B3GAT1: variants seen among roughly 807,000 people sequenced by gnomAD.
The protein encoded by B3GAT1 is beta-1,3-glucuronyltransferase 1, also known as galactosylgalactosylxylosylprotein 3-beta-glucuronosyltransferase 1.
B3GAT1 carries 11 observed loss-of-function variants against 28.4 expected under a neutral mutation model. That is an observed-to-expected ratio of 0.39 (90% CI 0.24 to 0.64). The LOEUF (loss-of-function observed/expected upper bound fraction) is 0.64. B3GAT1 is among the 30% of genes least tolerant of loss of function. The pLI, the probability that B3GAT1 is intolerant of heterozygous loss-of-function variation, is 0.50. For synonymous variants in B3GAT1, 255 were observed against 223.1 expected (o/e 1.14, Z -1.27); for missense variants, 375 against 491.0 (o/e 0.76, Z 2.23).
intron 1 of B3GAT1, among the ~76,000 whole-genome samples, chr11:134,410,564 G>A (rs1469769403): frequency 1.3e-5 from 2 of 152,216 alleles, no homozygotes; most frequent in Non-Finnish European, 2.9e-5. Flanking sequence ...AGAAAGGGAA[G>A]GCTTGATGTT....
At chr11:134,386,452 G>A (rs1297251216) in intron 2 of B3GAT1, 1 of 152,260 alleles carries the variant, frequency 6.6e-6, no homozygotes, top group Non-Finnish European at 1.5e-5. Flanking sequence ...GAAGAGCTGG[G>A]GCAGCCAGCT....
At chr11:134,405,406 T>C (rs1416750620) in intron 1 of B3GAT1, among the ~76,000 whole-genome samples, 1 of 152,178 alleles carries the variant, frequency 6.6e-6, no homozygotes, top group Non-Finnish European at 1.5e-5. Flanking sequence ...GGTCCTGTGG[T>C]CAGGGTGCGT....
At chr11:134,404,953 AGT>A (rs1412645995) in intron 1 of B3GAT1, among the ~76,000 whole-genome samples, 2 of 152,182 alleles carry the variant, frequency 1.3e-5, no homozygotes, top group Non-Finnish European at 1.5e-5. Context: ...GGTCAGCTGC[AGT>A]GTGGGTGCAA....
intron 3 of B3GAT1, 29 bp downstream of exon 3, chr11:134,383,651 C>T (rs745611517): frequency 6.6e-7 from 1 of 1,514,752 alleles, no homozygotes; most frequent in Non-Finnish European, 8.9e-7. Context: ...GCCGGAGGTC[C>T]CGCTGCTCAC....
intron 1 of B3GAT1, among the ~76,000 whole-genome samples, chr11:134,410,232 A>C (rs55986667): frequency 0.2 from 29,798 of 152,134 alleles, 3,633 homozygotes; most frequent in African/African-American, 0.34. Flanking sequence ...ACAGTGAGTA[A>C]CTGCCCAACC....
chr11:134,384,595 C>G (rs1046258260), intron 2 of B3GAT1: 1 of 186,350 alleles, frequency 5.4e-6, no homozygotes, highest in East Asian at 1.3e-4. Context: ...TAGCAGAGCA[C>G]GTGGCACTGC....
intron 1 of B3GAT1, among the ~76,000 whole-genome samples, chr11:134,395,665 C>G (rs578204727): frequency 1.1e-4 from 16 of 152,198 alleles, no homozygotes; most frequent in Non-Finnish European, 1.8e-4. Flanking sequence ...ACCTCCTTTG[C>G]CCTCCTTCCT....
At chr11:134,406,112 C>T (rs1944726738) in intron 1 of B3GAT1, among the ~76,000 whole-genome samples, 1 of 152,238 alleles carries the variant, frequency 6.6e-6, no homozygotes. Flanking sequence ...CTCGTGGCAG[C>T]ACAGTTGGCC....
At chr11:134,401,655 T>C (rs1245681540) in intron 1 of B3GAT1, among the ~76,000 whole-genome samples, 1 of 152,076 alleles carries the variant, frequency 6.6e-6, no homozygotes, top group South Asian at 2.1e-4. Flanking sequence ...AGAGGATCAG[T>C]TATGCCTCAA....
chr11:134,397,871 G>GC (rs1411636149), intron 1 of B3GAT1, among the ~76,000 whole-genome samples: 1 of 152,158 alleles, frequency 6.6e-6, no homozygotes, highest in African/African-American at 2.4e-5. Flanking sequence ...CAGTTAGGGG[G>GC]CCCCGCAGTG....
chr11:134,398,981 G>T (rs1944557727), intron 1 of B3GAT1, among the ~76,000 whole-genome samples: 1 of 152,160 alleles, frequency 6.6e-6, no homozygotes, highest in Non-Finnish European at 1.5e-5. Context: ...GGGTGCGGTG[G>T]GTGGTGGGTT....
intron 1 of B3GAT1, among the ~76,000 whole-genome samples, chr11:134,406,541 T>A (rs981875569): frequency 9.1e-4 from 1 of 1,098 alleles, no homozygotes. Context: ...GTTGATTGGG[T>A]GGGTGGGGGG....
chr11:134,407,125 G>A (rs1739235627), intron 1 of B3GAT1, among the ~76,000 whole-genome samples: 1 of 152,258 alleles, frequency 6.6e-6, no homozygotes, highest in Non-Finnish European at 1.5e-5. Context: ...GTGTGACTGA[G>A]GAGCTGCTCA....
chr11:134,401,749 T>C (rs775170700), intron 1 of B3GAT1, among the ~76,000 whole-genome samples: 14 of 151,514 alleles, frequency 9.2e-5, no homozygotes, highest in Non-Finnish European at 1.8e-4. Flanking sequence ...TTATAAAAAA[T>C]TTAAAAAAAA....
chr11:134,384,508 A>G (rs1944226899), intron 2 of B3GAT1: 2 of 387,404 alleles, frequency 5.2e-6, no homozygotes. Flanking sequence ...TTCCTATGAA[A>G]AGGCGTCCCG....
At chr11:134,382,088 G>T (rs1475652730) in intron 4 of B3GAT1, 64 bp from the exon 5 acceptor site, 5 of 1,355,780 alleles carry the variant, frequency 3.7e-6, no homozygotes, top group East Asian at 2.3e-5. Context: ...CTGCCTCCCT[G>T]CTCCCTCCCA....
At position 134,393,565 on chromosome 11, in the gene B3GAT1, A is replaced by G. The variant is rs1301785475; in HGVS notation, c.-281-5625T>C. Among the ~76,000 whole-genome samples, 1 of 152,232 alleles carries G rather than the reference A, an allele frequency of 6.6e-6. No individual in the cohort carries two copies. Among genetic ancestry groups the G allele is most frequent in the African/African-American group, 2.4e-5 (1 of 41,464 alleles). Reference sequence around the variant, plus strand: ...CCCTGCCAGCCTTTACCTAACTTGGAGAACTTTTTTCTGGACTCACCTTAT... The same window carrying G: ...CCCTGCCAGCCTTTACCTAACTTGGGGAACTTTTTTCTGGACTCACCTTAT... On this transcript the variant is annotated intron_variant, in intron 1 of 5. Coordinates refer to ENST00000312527, the MANE Select transcript of B3GAT1 (RefSeq NM_054025.3). The surrounding 1 kb of genome is among the most constrained non-coding windows in gnomAD (Gnocchi z 4.0).
Position 134,387,791 on chromosome 11 carries a change from G to A in B3GAT1, c.-132C>T, listed in dbSNP as rs1021203183. 2 of 1,539,484 alleles carry A rather than the reference G, an allele frequency of 1.3e-6. No homozygotes were observed. Among genetic ancestry groups the A allele is most frequent in the African/African-American group, 2.7e-5 (2 of 73,072 alleles). On this transcript the variant is annotated 5_prime_UTR_variant, in exon 2 of 6. Transcript: ENST00000312527. The stretch of plus-strand genomic sequence containing the variant: ...GGGCCGGGCCGGCCAGGCATGGAGA[G>A]GACAGAGCAGCTGAATGTTGGCTAG...
Position 134,378,852 on chromosome 11 carries a change from AAAG to A in B3GAT1, c.*1907_*1909del, listed in dbSNP as rs888580892. 1 of 152,268 alleles carries A rather than the reference AAAG, an allele frequency of 6.6e-6. No homozygotes were observed. The highest frequency in any genetic ancestry group is 2.4e-5 in the African/African-American group (1 of 41,476). 9.4% of individuals were successfully genotyped at this position (152,268 alleles called of 1,614,324 possible). On this transcript the variant is annotated 3_prime_UTR_variant, in exon 6 of 6. Transcript: ENST00000312527. ...AAAACAACTGACCTAGCATCTGCCCAAAGAAGTCCCCATTTTGTTGTTCATTAT... is the reference window on the plus strand; with the variant it reads ...AAAACAACTGACCTAGCATCTGCCCAAAGTCCCCATTTTGTTGTTCATTAT...
Sources: gnomAD v4.1 joint callset for allele counts (sites outside exome capture counted in the v4.1 genomes callset) on GRCh38, gnomAD v4.1.1 for gene constraint, Gnocchi (gnomAD v3.1) non-coding constraint, MANE v1.5 for transcripts, NCBI Gene and HGNC (gene_info 2026-07-23, HGNC 2026-07-21) for gene names.